The following SGIP1 variants were observed in gnomAD, a reference collection of about 807,000 sequenced individuals.
SGIP1 encodes SH3GL interacting endocytic adaptor 1, also known as SH3-containing GRB2-like protein 3-interacting protein 1.
In SGIP1, 38 loss-of-function variants were observed where a neutral mutation model predicts 107.5. That is an observed-to-expected ratio of 0.35 (90% confidence interval 0.27 to 0.46). The LOEUF (loss-of-function observed/expected upper bound fraction) is 0.46. Among genes scored for constraint, SGIP1 ranks in the 20% least tolerant of loss-of-function variants. The probability of loss-of-function intolerance (pLI) is 1.00; values close to 1 mark genes in which losing one functional copy is unlikely to be tolerated. For missense variants in SGIP1, 929 were observed against 1,019.5 expected, an observed-to-expected ratio of 0.91 and a Z score of 1.21; for synonymous variants, 365 against 366.1, an observed-to-expected ratio of 1.00 and a Z score of 0.03.
At chr1:66,670,667 T>C (rs1460960844) in intron 9 of SGIP1, among the ~76,000 whole-genome samples, 1 of 152,204 alleles carries the variant, frequency 6.6e-6, no homozygotes. Flanking sequence ...TCGATTTACT[T>C]TCTTATCTAC....
At chr1:66,595,037 AT>A (rs1452533621) in intron 1 of SGIP1, among the ~76,000 whole-genome samples, 4 of 152,178 alleles carry the variant, frequency 2.6e-5, no homozygotes, top group Non-Finnish European at 5.9e-5. Context: ...GGCTTGAGCC[AT>A]CCTTTCACAC....
intron 1 of SGIP1, among the ~76,000 whole-genome samples, chr1:66,609,809 T>C (rs565998160): frequency 3.3e-4 from 50 of 152,344 alleles, no homozygotes; most frequent in African/African-American, 1.1e-3. Flanking sequence ...AATGTGACTA[T>C]TTTAGAAAAA....
At chr1:66,613,902 G>A (rs867835125) in intron 1 of SGIP1, among the ~76,000 whole-genome samples, 15 of 152,264 alleles carry the variant, frequency 9.9e-5, no homozygotes, top group South Asian at 6.2e-4. Flanking sequence ...TGCTCAACAG[G>A]TTCCTTTTCT....
chr1:66,534,234 T>C lies in SGIP1; in HGVS notation c.-125T>C, dbSNP rs1390860986. On this transcript the variant is annotated 5_prime_UTR_variant, in exon 1 of 25. Transcript: ENST00000371037. Reference sequence around the variant, plus strand: ...CTTTTGGCTTAACACTTATCTCCTTTGGCTTTGACAGCGGACGGAATAGAC... The same window carrying C: ...CTTTTGGCTTAACACTTATCTCCTTCGGCTTTGACAGCGGACGGAATAGAC... The C allele has an allele frequency of 2.0e-6, 2 of 995,806 alleles. No homozygotes were observed. Among genetic ancestry groups the C allele is most frequent in the Middle Eastern group, 2.1e-4 (1 of 4,786 alleles). The allele number at this position is 995,806 out of a possible 1,614,324, so 61.7% of individuals were successfully genotyped here.
In SGIP1 at chr1:66,709,543, T is replaced by C. The variant is rs114029178; in HGVS notation, c.1631-9751T>C. 5.4e-3 allele frequency among the ~76,000 whole-genome samples: 824 copies of C among 152,292 alleles called. 8 individuals carry two copies. The highest frequency in any genetic ancestry group is 0.019 in the African/African-American group (775 of 41,550). ...CATGGTTGTAGTCATAATTAAATGA[T>C]GCATTATGTGTAAAGCATAAAAGAC... On this transcript the variant is annotated intron_variant, in intron 18 of 24. Coordinates refer to ENST00000371037, the MANE Select transcript of SGIP1 (RefSeq NM_032291.4).
At chr1:66,720,048 G>A (rs1000561753) in intron 19 of SGIP1, among the ~76,000 whole-genome samples, 1 of 152,140 alleles carries the variant, frequency 6.6e-6, no homozygotes, top group Non-Finnish European at 1.5e-5. Flanking sequence ...ACTGACAATG[G>A]ACTTGGTCTG....
intron 18 of SGIP1, among the ~76,000 whole-genome samples, chr1:66,701,061 A>G (rs1262378743): frequency 6.6e-6 from 1 of 152,212 alleles, no homozygotes; most frequent in Non-Finnish European, 1.5e-5. Context: ...GCAGGTTATT[A>G]AATACCCCTA....
chr1:66,569,235 G>T (rs1398717567), intron 1 of SGIP1, among the ~76,000 whole-genome samples: 2 of 151,668 alleles, frequency 1.3e-5, no homozygotes, highest in Admixed American at 6.6e-5. Context: ...TTGTCTTATT[G>T]CATTAGAAAG....
At chr1:66,689,692 G>A (rs2089370041) in intron 16 of SGIP1, among the ~76,000 whole-genome samples, 8 of 152,226 alleles carry the variant, frequency 5.3e-5, no homozygotes, top group Admixed American at 5.2e-4. Context: ...GTGGCTTGAG[G>A]AATTTGTTGC....
chr1:66,535,018 A>G (rs890902208), intron 1 of SGIP1, among the ~76,000 whole-genome samples: 7 of 152,206 alleles, frequency 4.6e-5, no homozygotes, highest in Non-Finnish European at 8.8e-5. Context: ...TGTGCTCCCT[A>G]AATGCTTTCC....
chr1:66,627,199 T>C (rs960899933), intron 2 of SGIP1, among the ~76,000 whole-genome samples: 1 of 152,018 alleles, frequency 6.6e-6, no homozygotes, highest in Admixed American at 6.6e-5. Context: ...TGGGATTTCA[T>C]GGGAATTTGA....
At chr1:66,651,209 TATC>T (rs1165385048) in intron 7 of SGIP1, among the ~76,000 whole-genome samples, 3 of 152,212 alleles carry the variant, frequency 2.0e-5, no homozygotes, top group African/African-American at 7.2e-5. Context: ...TTTGAGAACT[TATC>T]ATGGTGATGA....
At chr1:66,678,091 T>A (rs1163172812) in intron 13 of SGIP1, among the ~76,000 whole-genome samples, 1 of 152,234 alleles carries the variant, frequency 6.6e-6, no homozygotes, top group African/African-American at 2.4e-5. Context: ...TTATCAACAA[T>A]TTTTTAAAAA....
chr1:66,582,473 T>C (rs754837048), intron 1 of SGIP1, among the ~76,000 whole-genome samples: 1 of 151,878 alleles, frequency 6.6e-6, no homozygotes, highest in Non-Finnish European at 1.5e-5. Context: ...GGAAAGCCAT[T>C]TTGATTAAGT....
At chr1:66,581,142 T>C (rs2061771370) in intron 1 of SGIP1, among the ~76,000 whole-genome samples, 1 of 151,990 alleles carries the variant, frequency 6.6e-6, no homozygotes, top group Admixed American at 6.6e-5. Flanking sequence ...GACATGAGAG[T>C]ATATAATTAA....
intron 1 of SGIP1, among the ~76,000 whole-genome samples, chr1:66,610,913 C>T (rs180730289): frequency 2.6e-5 from 4 of 151,696 alleles, no homozygotes; most frequent in South Asian, 4.2e-4. Context: ...TGCTCTCACT[C>T]ATAAGTGGGA....
chr1:66,624,534 G>A (rs1056026841), intron 1 of SGIP1, among the ~76,000 whole-genome samples: 1 of 152,142 alleles, frequency 6.6e-6, no homozygotes, highest in Non-Finnish European at 1.5e-5. Flanking sequence ...AGACAGAACA[G>A]AGACATTTTG....
intron 5 of SGIP1, among the ~76,000 whole-genome samples, 171 bp from the exon 6 acceptor site, chr1:66,642,639 C>T (rs2076988509): frequency 6.6e-6 from 1 of 152,092 alleles, no homozygotes; most frequent in Non-Finnish European, 1.5e-5. Flanking sequence ...CTCCAAGTAT[C>T]CTTGAGTAAA....
chr1:66,602,410 G>A (rs2066008204), intron 1 of SGIP1, among the ~76,000 whole-genome samples: 1 of 152,146 alleles, frequency 6.6e-6, no homozygotes, highest in African/African-American at 2.4e-5. Context: ...CTCCCTGCAT[G>A]ATCCACATGT....
Sources: gnomAD v4.1 joint callset for allele counts (sites outside exome capture counted in the v4.1 genomes callset) on GRCh38, gnomAD v4.1.1 for gene constraint, MANE v1.5 for transcripts, NCBI Gene and HGNC (gene_info 2026-07-23, HGNC 2026-07-21) for gene names.